Variants in METTL5 observed in about 807,000 individuals in gnomAD.
METTL5 encodes the protein methyltransferase 5, N6-adenosine.
METTL5 carries 28 observed loss-of-function variants against 26.5 expected under a neutral mutation model. That is an observed-to-expected ratio of 1.06 (90% CI 0.78 to 1.45). The LOEUF is 1.45. METTL5 is among the 40% of genes most tolerant of loss of function. The pLI is 0.00. For missense variants in METTL5, 231 were observed against 249.9 expected (o/e 0.92, Z 0.51); for synonymous variants, 86 against 82.6 (o/e 1.04, Z -0.22).
chr2:169,812,034 T>A, intron 6 of METTL5, 176 bp from the exon 7 acceptor site: 1 of 715,222 alleles, frequency 1.4e-6, no homozygotes, highest in Non-Finnish European at 2.3e-6. Flanking sequence ...AACTAACTAA[T>A]AAAATATATA....
At chr2:169,821,405 C>CTTCTTTTTTTTT in intron 2 of METTL5, 132 bp from the exon 3 acceptor site, 2 of 661,878 alleles carry the variant, frequency 3.0e-6, no homozygotes, top group Non-Finnish European at 4.9e-6. Context: ...TGAGTGTTTT[C>CTTCTTTTTTTTT]TTCTTTTTTT....
intron 5 of METTL5, among the ~76,000 whole-genome samples, chr2:169,813,714 AAC>A (rs1690057665): frequency 5.3e-5 from 8 of 151,668 alleles, no homozygotes; most frequent in Non-Finnish European, 1.2e-4. Context: ...TAATAAAAAA[AAC>A]AGCTGGACGT....
chr2:169,815,636 G>C (rs1219560186), intron 4 of METTL5, 108 bp from the exon 5 acceptor site: 11 of 731,600 alleles, frequency 1.5e-5, no homozygotes, highest in Admixed American at 3.1e-5. Flanking sequence ...AATTTCATTA[G>C]AATCTAGACC....
chr2:169,818,494 G>T (rs865839165), intron 4 of METTL5, among the ~76,000 whole-genome samples: 2 of 152,162 alleles, frequency 1.3e-5, no homozygotes, highest in Admixed American at 6.6e-5. Context: ...ATGTTTACTG[G>T]TGTTTGCTTT....
At chr2:169,814,471 A>AAAAAAAAAAAAAG (rs1175176109) in intron 5 of METTL5, among the ~76,000 whole-genome samples, 2 of 147,048 alleles carry the variant, frequency 1.4e-5, no homozygotes, top group Non-Finnish European at 3.0e-5. Flanking sequence ...TTTGTCTCAA[A>AAAAAAAAAAAAAG]AAAAAAAAAA....
At chr2:169,822,844 A>G (rs539972123) in intron 1 of METTL5, among the ~76,000 whole-genome samples, 2 of 152,330 alleles carry the variant, frequency 1.3e-5, no homozygotes, top group South Asian at 4.1e-4. Context: ...CATAATCTAC[A>G]AATGAGACCT....
At chr2:169,820,185 G>A (rs1360682138) in intron 3 of METTL5, among the ~76,000 whole-genome samples, 2 of 152,178 alleles carry the variant, frequency 1.3e-5, no homozygotes, top group South Asian at 2.1e-4. Context: ...TCAAACTCCC[G>A]ACCTCAGGTA....
intron 1 of METTL5, among the ~76,000 whole-genome samples, chr2:169,823,046 C>T (rs536996890): frequency 1.3e-5 from 2 of 152,046 alleles, no homozygotes; most frequent in Non-Finnish European, 2.9e-5. Flanking sequence ...GGTGCAGTGG[C>T]GGATCAGAGC....
intron 4 of METTL5, among the ~76,000 whole-genome samples, chr2:169,817,934 C>G (rs2081531956): frequency 6.6e-6 from 1 of 152,102 alleles, no homozygotes; most frequent in African/African-American, 2.4e-5. Flanking sequence ...CATGTTATGC[C>G]AAGCTGTGCA....
intron 4 of METTL5, among the ~76,000 whole-genome samples, chr2:169,816,725 G>C (rs887990910): frequency 6.6e-5 from 10 of 152,172 alleles, no homozygotes; most frequent in Non-Finnish European, 1.3e-4. Flanking sequence ...AAATGGTGCT[G>C]GGAAAACTGG....
intron 5 of METTL5, among the ~76,000 whole-genome samples, chr2:169,814,452 G>C (rs938115511): frequency 2.6e-5 from 1 of 38,226 alleles, no homozygotes; most frequent in Non-Finnish European, 5.3e-5. Context: ...CTGGGTAACA[G>C]AGCAAGGCTT....
chr2:169,824,375 C>T, intron 1 of METTL5, 114 bp downstream of exon 1: 1 of 857,548 alleles, frequency 1.2e-6, no homozygotes, highest in Non-Finnish European at 1.9e-6. Flanking sequence ...GACAGGTGAT[C>T]TTAGGGCAGA....
At chr2:169,819,966 A>G (rs971533526) in intron 3 of METTL5, among the ~76,000 whole-genome samples, 1 of 53,224 alleles carries the variant, frequency 1.9e-5, no homozygotes, top group African/African-American at 6.0e-5. Flanking sequence ...TAAACTATGC[A>G]TGTCTTTTTT....
intron 3 of METTL5, among the ~76,000 whole-genome samples, chr2:169,820,666 GAA>G (rs990001616): frequency 1.1e-4 from 16 of 152,196 alleles, no homozygotes; most frequent in Non-Finnish European, 2.4e-4. Context: ...TTTATTTAAT[GAA>G]GAGTGATAAA....
At chr2:169,812,048 T>C in intron 6 of METTL5, 190 bp from the exon 7 acceptor site, 3 of 678,494 alleles carry the variant, frequency 4.4e-6, no homozygotes, top group South Asian at 4.4e-5. Context: ...ATATATACTA[T>C]ATGAAAAGAG....
chr2:169,813,354 C>T (rs969591584), intron 5 of METTL5, among the ~76,000 whole-genome samples: 2 of 151,610 alleles, frequency 1.3e-5, no homozygotes, highest in African/African-American at 4.8e-5. Flanking sequence ...TGGTCTTGAT[C>T]TCCTGACCTC....
intron 6 of METTL5, 92 bp downstream of exon 6, chr2:169,812,365 C>A: frequency 6.2e-7 from 1 of 1,607,926 alleles, no homozygotes; most frequent in Non-Finnish European, 8.5e-7. Flanking sequence ...CTCAGCCTCC[C>A]GAGTAGCTGG....
chr2:169,821,014 G>T, intron 3 of METTL5, 78 bp downstream of exon 3: 1 of 1,211,444 alleles, frequency 8.3e-7, no homozygotes, highest in Non-Finnish European at 1.2e-6. Context: ...ACACGCCTGA[G>T]CCACTGCGCC....
At chr2:169,812,677 A>G (rs947250005) in intron 5 of METTL5, 171 bp from the exon 6 acceptor site, 1 of 646,504 alleles carries the variant, frequency 1.5e-6, no homozygotes, top group Admixed American at 3.4e-5. Flanking sequence ...AGCATTAGCC[A>G]TGGCAGCTTG....
Sources: allele counts gnomAD v4.1 joint callset (sites outside exome capture counted in the v4.1 genomes callset), GRCh38; gene constraint gnomAD v4.1.1; transcripts MANE v1.5; gene names NCBI Gene and HGNC (gene_info 2026-07-23, HGNC 2026-07-21).